Variants in PRKCH observed in about 807,000 individuals in gnomAD.
The protein encoded by PRKCH is protein kinase C eta.
In PRKCH, 28 loss-of-function variants were observed where a neutral mutation model predicts 82.5. The observed-to-expected ratio is 0.34, with a 90% confidence interval of 0.25 to 0.47. The LOEUF is 0.47. Ranked by LOEUF, PRKCH falls within the 20% of genes least tolerant of loss-of-function variation. The pLI, the probability that PRKCH is intolerant of heterozygous loss-of-function variation, is 1.00. For synonymous variants in PRKCH, 322 were observed against 327.4 expected, an observed-to-expected ratio of 0.98 and a Z score of 0.18; for missense variants, 705 against 881.8, an observed-to-expected ratio of 0.80 and a Z score of 2.54.
At chr14:61,465,700 G>A (rs1566897999) in intron 9 of PRKCH, among the ~76,000 whole-genome samples, 1 of 152,092 alleles carries the variant, frequency 6.6e-6, no homozygotes, top group African/African-American at 2.4e-5. Flanking sequence ...TTGCTTTGAT[G>A]TCGTGCATTA....
At chr14:61,276,964 A>G (rs2045209096) in intron 1 of PRKCH, among the ~76,000 whole-genome samples, 1 of 152,118 alleles carries the variant, frequency 6.6e-6, no homozygotes, top group Non-Finnish European at 1.5e-5. Flanking sequence ...CGGGCAGATC[A>G]TTTGAGGTCA....
intron 9 of PRKCH, among the ~76,000 whole-genome samples, chr14:61,471,637 A>G (rs1359187396): frequency 6.6e-6 from 1 of 152,036 alleles, no homozygotes; most frequent in South Asian, 2.1e-4. Flanking sequence ...TGTTTTAATA[A>G]TCTAGTGGCT....
intron 1 of PRKCH, among the ~76,000 whole-genome samples, chr14:61,266,981 G>A (rs2045108933): frequency 6.6e-6 from 1 of 152,110 alleles, no homozygotes; most frequent in Admixed American, 6.6e-5. Flanking sequence ...CTTCAACCAC[G>A]CCAAGTCTAA....
intron 1 of PRKCH, among the ~76,000 whole-genome samples, chr14:61,381,709 GC>G (rs1368726082): frequency 1.3e-5 from 2 of 152,212 alleles, no homozygotes; most frequent in Non-Finnish European, 2.9e-5. Flanking sequence ...TCAGGCTGGT[GC>G]CACTCCCAGT....
At chr14:61,484,773 T>G (rs919885778) in intron 9 of PRKCH, among the ~76,000 whole-genome samples, 50 of 150,934 alleles carry the variant, frequency 3.3e-4, no homozygotes, top group Admixed American at 3.0e-3. Flanking sequence ...CCTTTTTTTT[T>G]TTTTTTTTTT....
chr14:61,492,784 G>A lies in PRKCH; in HGVS notation c.1433+7128G>A, dbSNP rs116853265. Among the ~76,000 whole-genome samples, 86 of 152,330 alleles carry A rather than the reference G, an allele frequency of 5.6e-4. No homozygotes were observed. In the East Asian group the frequency reaches 0.014, roughly 26 times the overall value. On this transcript the variant is annotated intron_variant, in intron 10 of 13. Coordinates refer to ENST00000332981, the MANE Select transcript of PRKCH (RefSeq NM_006255.5). ...AGATAGCCATTAATAAGTCATGGCAGCTGGGTTCCAAAATTGGAGTTTTCC... is the reference window on the plus strand; with the variant it reads ...AGATAGCCATTAATAAGTCATGGCAACTGGGTTCCAAAATTGGAGTTTTCC...
Position 61,280,893 on chromosome 14 carries a change from G to A in PRKCH, c.-19+93225G>A. 1.3e-6 allele frequency: 2 copies of A among 1,550,026 alleles called. No homozygotes were observed. The highest frequency in any genetic ancestry group is 1.4e-5 in the African/African-American group (1 of 73,594). ...ACGAGCAGGGGGGCGGCAGCGCCCG[G>A]CCCTGGCCAGCCGCGGCGCACACCG... is the stretch of plus-strand genomic sequence containing the variant. On this transcript the variant is annotated intron_variant, in intron 1 of 3. Transcript: ENST00000555185. The surrounding 1 kb of genome is among the most constrained non-coding windows in gnomAD (Gnocchi z 5.0).
intron 13 of PRKCH, among the ~76,000 whole-genome samples, chr14:61,549,261 A>G (rs1019546075): frequency 7.2e-5 from 11 of 152,256 alleles, no homozygotes; most frequent in Non-Finnish European, 1.6e-4. Context: ...TCAAATGTCT[A>G]GAACTCTGCG....
At chr14:61,325,030 T>C (rs912166440) in intron 1 of PRKCH, among the ~76,000 whole-genome samples, 3 of 152,204 alleles carry the variant, frequency 2.0e-5, no homozygotes, top group Non-Finnish European at 4.4e-5. Flanking sequence ...TTCAATATGG[T>C]TAAGATCTCA....
Position 61,280,728 on chromosome 14 carries a change from C to T in PRKCH, c.-19+93060C>T. 6.3e-7 allele frequency: 1 copy of T among 1,577,200 alleles called. No homozygotes were observed. The highest frequency in any genetic ancestry group is 8.6e-7 in the Non-Finnish European group (1 of 1,166,186). On this transcript the variant is annotated intron_variant, in intron 1 of 3. Transcript: ENST00000555185. The surrounding 1 kb of genome is among the most constrained non-coding windows in gnomAD (Gnocchi z 5.0). The stretch of plus-strand genomic sequence containing the variant: ...GGGCGCACTCGTTGACAGGGTGGCG[C>T]AGCGCGCTGGGGAGTCCGCTCAGCT...
chr14:61,337,361 G>T (rs1238555932), intron 1 of PRKCH, among the ~76,000 whole-genome samples: 1 of 152,040 alleles, frequency 6.6e-6, no homozygotes, highest in East Asian at 1.9e-4. Flanking sequence ...CTGAACATTT[G>T]ATTTGGCTTG....
At chr14:61,542,807 T>TA (rs1194112913) in intron 12 of PRKCH, among the ~76,000 whole-genome samples, 1 of 152,188 alleles carries the variant, frequency 6.6e-6, no homozygotes, top group Admixed American at 6.5e-5. Context: ...GCAAAAGAAT[T>TA]ATGCTGCCAC....
At chr14:61,495,281 C>T (rs1464772737) in intron 10 of PRKCH, among the ~76,000 whole-genome samples, 2 of 152,198 alleles carry the variant, frequency 1.3e-5, no homozygotes, top group African/African-American at 4.8e-5. Flanking sequence ...AATGCTGATC[C>T]TGGCATACCT....
chr14:61,419,238 C>G (rs1882711319), intron 2 of PRKCH, among the ~76,000 whole-genome samples: 1 of 152,212 alleles, frequency 6.6e-6, no homozygotes, highest in African/African-American at 2.4e-5. Context: ...AAGAGTATCA[C>G]TTTGTTGAAT....
chr14:61,246,172 G>A (rs1378561717), intron 1 of PRKCH, among the ~76,000 whole-genome samples: 1 of 151,874 alleles, frequency 6.6e-6, no homozygotes, highest in East Asian at 1.9e-4. Flanking sequence ...TTGGGAGGCC[G>A]AGGCGAGTGG....
chr14:61,291,922 G>A (rs1001171459), intron 1 of PRKCH, among the ~76,000 whole-genome samples: 3 of 152,120 alleles, frequency 2.0e-5, no homozygotes, highest in African/African-American at 7.2e-5. Flanking sequence ...AATAAAAACT[G>A]CGAGCGCTCT....
chr14:61,383,741 A>G lies in PRKCH; in HGVS notation c.364-7484A>G, dbSNP rs138989758. On this transcript the variant is annotated intron_variant, in intron 1 of 13. Coordinates refer to ENST00000332981, the MANE Select transcript of PRKCH (RefSeq NM_006255.5). ...GAGAGACAGGTTTTCCAAGCAGAGA[A>G]CACGGCATGAGCAAATGTGTGGCTG... Among the ~76,000 whole-genome samples the G allele has an allele frequency of 6.2e-4, 95 of 152,096 alleles. 2 individuals carry two copies. The East Asian group carries it at 7.4e-3, about 12-fold the overall frequency.
intron 10 of PRKCH, among the ~76,000 whole-genome samples, chr14:61,491,985 A>G (rs754958033): frequency 3.9e-5 from 6 of 152,236 alleles, no homozygotes; most frequent in Non-Finnish European, 5.9e-5. Context: ...AGTTAGGGAA[A>G]GATGGAAGAT....
intron 1 of PRKCH, among the ~76,000 whole-genome samples, chr14:61,204,962 T>C (rs7153572): frequency 0.35 from 53,938 of 151,990 alleles, 10,351 homozygotes; most frequent in African/African-American, 0.49. Context: ...ACTTAGTAAG[T>C]TCTTCCATAC....
Sources: gnomAD v4.1 joint callset for allele counts (sites outside exome capture counted in the v4.1 genomes callset) on GRCh38, gnomAD v4.1.1 for gene constraint, Gnocchi (gnomAD v3.1) non-coding constraint, MANE v1.5 for transcripts, NCBI Gene and HGNC (gene_info 2026-07-23, HGNC 2026-07-21) for gene names.